ABCA12: variants seen among roughly 807,000 people sequenced by gnomAD.
The protein encoded by ABCA12 is ATP binding cassette subfamily A member 12, also known as glucosylceramide transporter ABCA12.
A neutral mutation model predicts 293.5 loss-of-function variants in ABCA12; 156 were observed. That is an observed-to-expected ratio of 0.53 (90% CI 0.47 to 0.61). The LOEUF (loss-of-function observed/expected upper bound fraction) is 0.61, where lower values mean the gene tolerates loss of function less well. ABCA12 is among the 20% of genes least tolerant of loss of function. The pLI, the probability that ABCA12 is intolerant of heterozygous loss-of-function variation, is 0.00. For missense variants in ABCA12, 2,797 were observed against 3,090.2 expected (o/e 0.91, Z 2.25); for synonymous variants, 1,063 against 1,108.0 (o/e 0.96, Z 0.81).
At chr2:214,947,587 C>T (rs781732646) in intron 47 of ABCA12, 31 bp from the exon 48 acceptor site, 32 of 1,612,560 alleles carry the variant, frequency 2.0e-5, no homozygotes, top group Non-Finnish European at 2.5e-5. Flanking sequence ...GTTAGGTTGA[C>T]CTTCCTGTGC....
rs1252335970 is a variant in ABCA12 at position 215,064,024 on chromosome 2, G to C, written c.317+42C>G. 3 of 1,611,424 alleles carry C rather than the reference G, an allele frequency of 1.9e-6. No individual in the cohort carries two copies. The East Asian group carries it at 6.7e-5, about 36-fold the overall frequency. ...GCTATCTCAGAAGGAAACAAGATTTGATCTCTCAGAACAATTGAACACACT... is the reference window on the plus strand; with the variant it reads ...GCTATCTCAGAAGGAAACAAGATTTCATCTCTCAGAACAATTGAACACACT... On this transcript the variant is annotated intron_variant, in intron 3 of 52. Coordinates refer to ENST00000272895, the MANE Select transcript of ABCA12 (RefSeq NM_173076.3).
intron 3 of ABCA12, among the ~76,000 whole-genome samples, chr2:215,058,093 C>T (rs1701455094): frequency 6.6e-6 from 1 of 152,008 alleles, no homozygotes; most frequent in South Asian, 2.1e-4. Context: ...TGTTATAGAG[C>T]AATATCCTTA....
chr2:214,937,704 C>G, intron 50 of ABCA12, 89 bp from the exon 51 acceptor site: 1 of 919,094 alleles, frequency 1.1e-6, no homozygotes, highest in Non-Finnish European at 1.8e-6. Context: ...AGGACCCAAG[C>G]CAACCATTAT....
intron 7 of ABCA12, among the ~76,000 whole-genome samples, chr2:215,040,400 T>C (rs1314475289): frequency 6.6e-6 from 1 of 152,012 alleles, no homozygotes; most frequent in Non-Finnish European, 1.5e-5. Context: ...GAAATGCAAA[T>C]CAAAATCTTA....
At position 215,052,599 on chromosome 2, in the gene ABCA12, G is replaced by A. The variant is rs745756895; in HGVS notation, c.410-15C>T. ...AAATACTGTGGCTGTAATCAAAGAA[G>A]GAACAGATTAGCATTCCACACACAC... On this transcript the variant is annotated splice_polypyrimidine_tract_variant and intron_variant, in intron 4 of 52. Transcript: ENST00000272895. 2 of 1,599,150 alleles carry A rather than the reference G, an allele frequency of 1.3e-6. No individual in the cohort carries two copies. Among genetic ancestry groups the A allele is most frequent in the African/African-American group, 2.7e-5 (2 of 74,032 alleles).
rs372005106 is a variant in ABCA12 at position 215,015,537 on chromosome 2, C to T, written c.1909G>A (p.Gly637Arg). ...SERSRQSYLI[G>R]LTLLHYLNIY... Reference sequence around the variant, plus strand: ...TTTAAGTAGTGCAGAAGGGTGAGTCCGATGAGGTAAGACTGCCGGGATCTC... The same window carrying T: ...TTTAAGTAGTGCAGAAGGGTGAGTCTGATGAGGTAAGACTGCCGGGATCTC... The change falls in exon 15 of 53, where the codon GGA becomes AGA. Residue 637 changes from glycine to arginine, a missense_variant. Gly to Arg is a moderately radical substitution (Grantham distance 125, BLOSUM62 -2). This residue lies in a region of ABCA12 where 2,130 missense variants were observed against 2,427.0 expected (regional missense o/e 0.88). Coordinates refer to ENST00000272895, the MANE Select transcript of ABCA12 (RefSeq NM_173076.3). The T allele has an allele frequency of 1.7e-5, 27 of 1,613,878 alleles. No individual in the cohort carries two copies. Among genetic ancestry groups the T allele is most frequent in the Admixed American group, 3.3e-5 (2 of 59,992 alleles).
In ABCA12 at chr2:214,955,278, T is replaced by A; in HGVS notation, c.6317A>T (p.Asn2106Ile). Reference sequence around the variant, plus strand: ...AATGGAATTAATGCCAAAAAACAAGTTGACACAGACGTAAGTGATGAAGGC... The same window carrying A: ...AATGGAATTAATGCCAAAAAACAAGATGACACAGACGTAAGTGATGAAGGC... ...GMAFITYVCV[N>I]LFFGINSIVS... Residue 2106 changes from asparagine (N) to isoleucine (I), a missense_variant, in exon 43 of 53, where the codon AAC (asparagine) becomes ATC (isoleucine). Coordinates refer to ENST00000272895, the MANE Select transcript of ABCA12 (RefSeq NM_173076.3). 6.2e-7 allele frequency: 1 copy of A among 1,614,116 alleles called. No homozygotes were observed. The highest frequency in any genetic ancestry group is 8.5e-7 in the Non-Finnish European group (1 of 1,179,992).
In ABCA12 at chr2:215,018,069, C is replaced by A; in HGVS notation, c.1721G>T (p.Gly574Val). Residue 574 changes from glycine (G) to valine (V), a missense_variant, in exon 14 of 53, where the codon GGA becomes GTA. By Grantham distance (109) the Gly-to-Val change is moderately radical. Around this residue, in one of 3 missense-constraint regions of ABCA12, gnomAD observed 656 missense variants for 638.2 expected, o/e 1.03. Transcript: ENST00000272895. The part of the protein sequence containing the change: ...ELKEDLRRTT[G>V]MSNRTIDKLL... ...CTTGTCAATAGTCCTGTTGGACATT[C>A]CTGTTGTTCTCCTTAAATCTTCTTT... 2 of 1,614,102 alleles carry A rather than the reference C, an allele frequency of 1.2e-6. No individual in the cohort carries two copies. Among genetic ancestry groups the A allele is most frequent in the East Asian group, 4.5e-5 (2 of 44,874 alleles).
chr2:214,955,427 A>C, intron 42 of ABCA12, 66 bp from the exon 43 acceptor site: 1 of 1,533,488 alleles, frequency 6.5e-7, no homozygotes, highest in Non-Finnish European at 9.0e-7. Context: ...CACACCTGTA[A>C]TCCTAACACT....
intron 16 of ABCA12, 34 bp from the exon 17 acceptor site, chr2:215,011,683 A>T (rs74544972): frequency 1.3e-6 from 2 of 1,596,716 alleles, no homozygotes; most frequent in Admixed American, 3.3e-5. Flanking sequence ...TATTGACACT[A>T]TATGAGCTTT....
intron 26 of ABCA12, 121 bp downstream of exon 26, chr2:214,989,208 A>ATATATATATATATATATATATATATATG (rs1290328902): frequency 6.0e-6 from 1 of 167,826 alleles, no homozygotes; most frequent in African/African-American, 2.6e-5. Flanking sequence ...ATATATATAT[A>ATATATATATATATATATATATATATATG]TAATATTTTT....
In ABCA12 at chr2:215,089,084, G is replaced by T. The variant is rs527402986; in HGVS notation, c.163+22513C>A. 2.4e-4 allele frequency among the ~76,000 whole-genome samples: 36 copies of T among 152,080 alleles called. 1 individual carries two copies. In the South Asian group the frequency reaches 6.9e-3, roughly 29 times the overall value. On this transcript the variant is annotated intron_variant, in intron 2 of 52. Transcript: ENST00000272895. Reference sequence around the variant, plus strand: ...AACAGAAAGGATAAAATTGTGGTCAGAACATTCTCCTGGAGATAATATGGG... The same window carrying T: ...AACAGAAAGGATAAAATTGTGGTCATAACATTCTCCTGGAGATAATATGGG...
At chr2:215,054,936 T>G (rs1024926621) in intron 3 of ABCA12, among the ~76,000 whole-genome samples, 1 of 152,112 alleles carries the variant, frequency 6.6e-6, no homozygotes, top group African/African-American at 2.4e-5. Context: ...TAAAAGACAT[T>G]AGAGATAAAT....
In ABCA12 at chr2:214,951,005, T is replaced by A; in HGVS notation, c.6726A>T (p.Leu2242Phe). Residue 2242 changes from leucine to phenylalanine, a missense_variant, in exon 45 of 53, where the codon TTA becomes TTT. By Grantham distance (22) the Leu-to-Phe change is conservative (BLOSUM62 0). Coordinates refer to ENST00000272895, the MANE Select transcript of ABCA12 (RefSeq NM_173076.3). ...ATTCAGCTGCACCACTCTCAACTCT[T>A]AATCTCTCAGCCCGCACATCTTCAT... ...DEDEDVRAER[L>F]RVESGAAEFD... 1 of 1,614,156 alleles carries A rather than the reference T, an allele frequency of 6.2e-7. No homozygotes were observed. Among genetic ancestry groups the A allele is most frequent in the Non-Finnish European group, 8.5e-7 (1 of 1,179,998 alleles).
intron 33 of ABCA12, among the ~76,000 whole-genome samples, chr2:214,977,986 G>A (rs1177295725): frequency 2.0e-5 from 3 of 149,744 alleles, no homozygotes; most frequent in African/African-American, 2.5e-5. Context: ...TGTTAGCCCC[G>A]ATTACAAGAA....
chr2:215,086,603 A>G lies in ABCA12; in HGVS notation c.164-22384T>C, dbSNP rs115583159. Among the ~76,000 whole-genome samples the G allele has an allele frequency of 4.1e-3, 624 of 152,268 alleles. 4 individuals are homozygous for G. Among genetic ancestry groups the G allele is most frequent in the Middle Eastern group, 0.02 (6 of 294 alleles). ...GCTCCTAATACCATCCTGAGCCTAG[A>G]AGTTCCATTCAGCCTTGTGTCCCAT... On this transcript the variant is annotated intron_variant, in intron 2 of 52. Transcript: ENST00000272895.
intron 48 of ABCA12, among the ~76,000 whole-genome samples, chr2:214,947,132 C>T (rs149170334): frequency 3.3e-5 from 5 of 152,216 alleles, no homozygotes; most frequent in African/African-American, 1.2e-4. Flanking sequence ...CATTTGAGTA[C>T]CCTGAATTTG....
At chr2:215,069,738 C>T (rs1399376412) in intron 2 of ABCA12, among the ~76,000 whole-genome samples, 4 of 152,130 alleles carry the variant, frequency 2.6e-5, no homozygotes, top group Non-Finnish European at 5.9e-5. Flanking sequence ...TCCAGTCCCT[C>T]GGAATGAGGG....
At chr2:215,077,324 T>C (rs1456595041) in intron 2 of ABCA12, among the ~76,000 whole-genome samples, 1 of 152,238 alleles carries the variant, frequency 6.6e-6, no homozygotes, top group African/African-American at 2.4e-5. Flanking sequence ...CAGAGACAGC[T>C]CATTACAATG....
Sources: gnomAD v4.1 joint callset for allele counts (sites outside exome capture counted in the v4.1 genomes callset) on GRCh38, gnomAD v4.1.1 for gene constraint, gnomAD v4.1.1 regional missense constraint, MANE v1.5 for transcripts, NCBI Gene and HGNC (gene_info 2026-07-23, HGNC 2026-07-21) for gene names.